Variants in BTBD8 observed in about 807,000 individuals in gnomAD.
The protein encoded by BTBD8 is BTB domain containing 8.
Under a neutral mutation model 162.9 loss-of-function variants are expected in BTBD8, and 110 were observed. The observed-to-expected ratio is 0.68, with a 90% CI of 0.58 to 0.79. The LOEUF is 0.79. Ranked by LOEUF, BTBD8 falls within the 30% of genes least tolerant of loss-of-function variation. The pLI, the probability that BTBD8 is intolerant of heterozygous loss-of-function variation, is 0.00. For synonymous variants in BTBD8, 667 were observed against 716.1 expected (o/e 0.93, Z 1.10); for missense variants, 1,905 against 2,085.4 (o/e 0.91, Z 1.68).
intron 5 of BTBD8, among the ~76,000 whole-genome samples, chr1:92,136,578 C>T (rs1440916519): frequency 6.6e-6 from 1 of 152,122 alleles, no homozygotes. Flanking sequence ...CTGCTGTTAT[C>T]AGAGATACAA....
chr1:92,131,846 C>T (rs1165840270), intron 5 of BTBD8, among the ~76,000 whole-genome samples: 1 of 151,990 alleles, frequency 6.6e-6, no homozygotes, highest in Non-Finnish European at 1.5e-5. Context: ...GTAGCTGGGA[C>T]TATAGATGTG....
intron 16 of BTBD8, among the ~76,000 whole-genome samples, chr1:92,179,598 C>G (rs1383715109): frequency 2.6e-5 from 4 of 152,094 alleles, no homozygotes; most frequent in Non-Finnish European, 2.9e-5. Flanking sequence ...TTTGATAATT[C>G]TGTTTGGCAG....
At chr1:92,111,260 T>C (rs929758594) in intron 4 of BTBD8, among the ~76,000 whole-genome samples, 1 of 152,196 alleles carries the variant, frequency 6.6e-6, no homozygotes, top group Non-Finnish European at 1.5e-5. Context: ...CCCAAAGTGC[T>C]AGGATTACAG....
At chr1:92,147,956 C>T in intron 9 of BTBD8, 170 bp downstream of exon 9, 1 of 591,484 alleles carries the variant, frequency 1.7e-6, no homozygotes, top group Non-Finnish European at 2.9e-6. Flanking sequence ...AACCACTCTG[C>T]ATACCCAGCT....
chr1:92,172,836 C>A (rs942093609), intron 13 of BTBD8, among the ~76,000 whole-genome samples: 1 of 152,196 alleles, frequency 6.6e-6, no homozygotes, highest in African/African-American at 2.4e-5. Context: ...TGCCAATTAA[C>A]CTCTTAGGAT....
chr1:92,183,758 T>TTG (rs1179790106), intron 17 of BTBD8, 106 bp from the exon 18 acceptor site: 7 of 523,918 alleles, frequency 1.3e-5, no homozygotes, highest in Admixed American at 7.8e-5. Flanking sequence ...ATTCTGTGTT[T>TTG]TTTTTTTTTT....
intron 4 of BTBD8, among the ~76,000 whole-genome samples, chr1:92,118,974 C>T (rs952232505): frequency 3.3e-5 from 5 of 151,004 alleles, no homozygotes; most frequent in Admixed American, 6.6e-5. Flanking sequence ...AAAAGACAAA[C>T]GATACACCTA....
chr1:92,149,762 A>G (rs1650004514), intron 9 of BTBD8, among the ~76,000 whole-genome samples: 1 of 152,092 alleles, frequency 6.6e-6, no homozygotes, highest in African/African-American at 2.4e-5. Context: ...CTTGCCCTGT[A>G]TCCTCCTTCA....
intron 4 of BTBD8, among the ~76,000 whole-genome samples, chr1:92,118,820 T>TTTTTTTTTTTTTTTTTTTTTTG (rs71586733): frequency 6.9e-6 from 1 of 144,444 alleles, no homozygotes; most frequent in Non-Finnish European, 1.5e-5. Flanking sequence ...TTTTTTTTTT[T>TTTTTTTTTTTTTTTTTTTTTTG]GCTCTATTTG....
intron 4 of BTBD8, among the ~76,000 whole-genome samples, chr1:92,110,986 G>A (rs1348874922): frequency 6.6e-6 from 1 of 150,790 alleles, no homozygotes; most frequent in Non-Finnish European, 1.5e-5. Context: ...AAGCAGAGCA[G>A]TCATTCCTTT....
At chr1:92,165,948 C>T (rs1372945839) in intron 9 of BTBD8, among the ~76,000 whole-genome samples, 2 of 152,176 alleles carry the variant, frequency 1.3e-5, no homozygotes, top group Non-Finnish European at 2.9e-5. Flanking sequence ...ACCAGTCTAT[C>T]AAGTAACTAA....
At chr1:92,085,622 C>G (rs1471485473) in intron 1 of BTBD8, among the ~76,000 whole-genome samples, 1 of 152,126 alleles carries the variant, frequency 6.6e-6, no homozygotes, top group African/African-American at 2.4e-5. Context: ...CCCAGCTACT[C>G]AGGAGGCTGA....
At chr1:92,137,789 C>T (rs1649668805) in intron 5 of BTBD8, among the ~76,000 whole-genome samples, 2 of 151,982 alleles carry the variant, frequency 1.3e-5, no homozygotes, top group Admixed American at 6.6e-5. Context: ...GGGATGATGC[C>T]TAAGTCTAAA....
rs748351010 is a variant in BTBD8 at position 92,147,702 on chromosome 1, T to C, written c.1038T>C (p.Phe346=). 2 of 1,609,084 alleles carry C rather than the reference T, an allele frequency of 1.2e-6. No homozygotes were observed. Among genetic ancestry groups the C allele is most frequent in the Non-Finnish European group, 1.7e-6 (2 of 1,178,804 alleles). The change falls in exon 9 of 18, where the codon TTT becomes TTC. Residue 346 remains phenylalanine (F), a synonymous_variant. Transcript: ENST00000636805. Reference sequence around the variant, plus strand: ...TTAACAGGTGGATTGTAAAGCATTTTGCAAGGTTTTGGTCTGAGAGAAGCT... The same window carrying C: ...TTAACAGGTGGATTGTAAAGCATTTCGCAAGGTTTTGGTCTGAGAGAAGCT... ...ADCMKWIVKH[F]ARFWSERSFA...
chr1:92,111,820 A>G (rs966325097), intron 4 of BTBD8, among the ~76,000 whole-genome samples: 3 of 152,174 alleles, frequency 2.0e-5, no homozygotes, highest in East Asian at 1.9e-4. Flanking sequence ...TGCCTGTTCT[A>G]GCTTGTCTTA....
intron 1 of BTBD8, among the ~76,000 whole-genome samples, chr1:92,087,722 G>T (rs1006507824): frequency 6.6e-6 from 1 of 152,166 alleles, no homozygotes; most frequent in African/African-American, 2.4e-5. Context: ...ACTTGGTCCT[G>T]GGGGAGTATG....
intron 4 of BTBD8, among the ~76,000 whole-genome samples, chr1:92,115,994 AAAC>A (rs1649033793): frequency 6.6e-6 from 1 of 152,114 alleles, no homozygotes; most frequent in Non-Finnish European, 1.5e-5. Context: ...TTTAAAAGCT[AAAC>A]ATTTCCTAAG....
chr1:92,097,122 T>C (rs1176244564), intron 2 of BTBD8, among the ~76,000 whole-genome samples: 2 of 152,188 alleles, frequency 1.3e-5, no homozygotes, highest in Non-Finnish European at 2.9e-5. Context: ...CCAGATCTCA[T>C]CCTATTCCTT....
chr1:92,176,747 A>G, intron 13 of BTBD8, 82 bp from the exon 14 acceptor site: 3 of 687,714 alleles, frequency 4.4e-6, no homozygotes, highest in Non-Finnish European at 6.6e-6. Flanking sequence ...TTTTTCTTTG[A>G]AAGACTGGCT....
Sources: gnomAD v4.1 joint callset for allele counts (sites outside exome capture counted in the v4.1 genomes callset) on GRCh38, gnomAD v4.1.1 for gene constraint, MANE v1.5 for transcripts, NCBI Gene and HGNC (gene_info 2026-07-23, HGNC 2026-07-21) for gene names.